Variants in INO80 observed in about 807,000 individuals in gnomAD.
INO80 encodes the protein INO80 complex ATPase subunit.
In INO80, 20 loss-of-function variants were observed where a neutral mutation model predicts 203.4. The ratio of observed to expected loss-of-function variants is 0.10; its 90% CI spans 0.07 to 0.14. The LOEUF is 0.14. Among genes scored for constraint, INO80 ranks in the 10% least tolerant of loss-of-function variants. The pLI is 1.00. For synonymous variants in INO80, 726 were observed against 685.2 expected (o/e 1.06, Z -0.93); for missense variants, 1,419 against 1,914.4 (o/e 0.74, Z 4.83).
intron 14 of INO80, 141 bp downstream of exon 14, chr15:41,069,429 C>CA (rs1188157268): frequency 7.0e-5 from 36 of 515,230 alleles, no homozygotes; most frequent in Non-Finnish European, 1.2e-4. Flanking sequence ...CTCAACCTCC[C>CA]AAAGTGCTGA....
At chr15:41,104,690 A>G (rs1412915137) in intron 1 of INO80, among the ~76,000 whole-genome samples, 1 of 151,864 alleles carries the variant, frequency 6.6e-6, no homozygotes, top group African/African-American at 2.4e-5. Flanking sequence ...AGCATGAGCC[A>G]CCACACCTGG....
rs370606160 is a variant in INO80, at chr15:41,056,672, G to A, written c.2020C>T (p.Arg674Trp). ...RWKILLQFQC[R>W]NRLLLTGTPI... The stretch of plus-strand genomic sequence containing the variant: ...GTCCCGGTTAGCAAAAGCCGATTCC[G>A]ACACTGGAACTGTAAGAGGATCTTC... The change falls in exon 17 of 36, where the codon CGG becomes TGG. Residue 674 changes from arginine (R) to tryptophan (W), a missense_variant. By Grantham distance (101) the Arg-to-Trp change is moderately radical. Coordinates refer to ENST00000648947, the MANE Select transcript of INO80 (RefSeq NM_017553.3). The A allele has an allele frequency of 1.2e-6, 2 of 1,613,926 alleles. No individual in the cohort carries two copies. The highest frequency in any genetic ancestry group is 2.2e-5 in the East Asian group (1 of 44,890).
At chr15:41,088,775 T>C (rs796159819) in intron 5 of INO80, among the ~76,000 whole-genome samples, 41 of 152,356 alleles carry the variant, frequency 2.7e-4, no homozygotes, top group African/African-American at 9.9e-4. Flanking sequence ...CATGGGGAAC[T>C]ATTACAATGT....
chr15:41,113,173 C>T (rs1482259036), intron 1 of INO80, among the ~76,000 whole-genome samples: 1 of 152,102 alleles, frequency 6.6e-6, no homozygotes, highest in Non-Finnish European at 1.5e-5. Context: ...GCTCAGCCTC[C>T]CAAAGTGCCG....
intron 24 of INO80, among the ~76,000 whole-genome samples, chr15:41,036,211 G>A (rs1203924624): frequency 2.1e-5 from 3 of 140,818 alleles, no homozygotes; most frequent in African/African-American, 5.3e-5. Context: ...TAGCTAAGCT[G>A]CTCCCAAGTT....
At chr15:41,086,496 C>T (rs1312533619) in intron 6 of INO80, among the ~76,000 whole-genome samples, 1 of 151,832 alleles carries the variant, frequency 6.6e-6, no homozygotes, top group Admixed American at 6.6e-5. Context: ...ACTAAAAATA[C>T]AAAAATTAGC....
intron 1 of INO80, among the ~76,000 whole-genome samples, chr15:41,111,973 G>A (rs2045965498): frequency 6.6e-6 from 1 of 152,046 alleles, no homozygotes; most frequent in African/African-American, 2.4e-5. Context: ...GGCACAATCA[G>A]GGTTCACTGT....
Position 41,074,353 on chromosome 15 carries a change from C to A in INO80, c.1327+17G>T, listed in dbSNP as rs1200582239. On this transcript the variant is annotated intron_variant, in intron 10 of 35. Coordinates refer to ENST00000648947, the MANE Select transcript of INO80 (RefSeq NM_017553.3). ...AATAAGAGGTAGCCTTCCTCTAAGTCCTGACTGAGGACTCACCATAATCCT... is the reference window on the plus strand; with the variant it reads ...AATAAGAGGTAGCCTTCCTCTAAGTACTGACTGAGGACTCACCATAATCCT... 2 of 1,566,822 alleles carry A rather than the reference C, an allele frequency of 1.3e-6. No homozygotes were observed. The highest frequency in any genetic ancestry group is 2.4e-5 in the South Asian group (2 of 84,400).
At chr15:41,099,237 C>CAAAA (rs71104771) in intron 1 of INO80, among the ~76,000 whole-genome samples, 318 of 21,104 alleles carry the variant, frequency 0.015, 16 homozygotes, top group East Asian at 0.024. Context: ...GACCCTGTCT[C>CAAAA]AAAAAAAAAA....
chr15:41,007,179 T>TA (rs1020762268), intron 27 of INO80, among the ~76,000 whole-genome samples: 7 of 114,088 alleles, frequency 6.1e-5, no homozygotes, highest in African/African-American at 3.0e-4. Context: ...TTTTTTTTTT[T>TA]TTCTTTTTTT....
intron 28 of INO80, among the ~76,000 whole-genome samples, chr15:41,000,739 A>G (rs188248224): frequency 6.6e-6 from 1 of 151,358 alleles, no homozygotes; most frequent in Admixed American, 6.6e-5. Flanking sequence ...AAGAAAGAAA[A>G]GAAAAGAGAA....
intron 14 of INO80, among the ~76,000 whole-genome samples, chr15:41,064,811 A>T (rs769147637): frequency 4.6e-5 from 7 of 152,150 alleles, no homozygotes; most frequent in African/African-American, 1.7e-4. Context: ...AGCCTGGCCA[A>T]CGTGGGGAAA....
At position 41,087,504 on chromosome 15, in the gene INO80, C is replaced by T. The variant is rs1162184807; in HGVS notation, c.658+58G>A. 3 of 1,583,526 alleles carry T rather than the reference C, an allele frequency of 1.9e-6. No homozygotes were observed. The African/African-American group carries it at 4.1e-5, about 21-fold the overall frequency. ...ATAAAGTCCAAATGCACCAGTAGGCCACATGCAATTCTGAAACTAAGAATG... is the reference window on the plus strand; with the variant it reads ...ATAAAGTCCAAATGCACCAGTAGGCTACATGCAATTCTGAAACTAAGAATG... On this transcript the variant is annotated intron_variant, in intron 6 of 35. Transcript: ENST00000648947.
intron 18 of INO80, 37 bp downstream of exon 18, chr15:41,055,210 A>T: frequency 1.7e-6 from 2 of 1,175,618 alleles, no homozygotes; most frequent in South Asian, 1.4e-5. Flanking sequence ...GCCTACACTG[A>T]TAGGTAGATA....
intron 11 of INO80, 137 bp from the exon 12 acceptor site, chr15:41,072,195 T>C (rs949438775): frequency 3.5e-6 from 2 of 568,030 alleles, no homozygotes; most frequent in South Asian, 2.5e-5. Context: ...AATCTGATAA[T>C]ATAACGTAGT....
intron 1 of INO80, among the ~76,000 whole-genome samples, chr15:41,099,256 A>C (rs1271137108): frequency 1.5e-5 from 2 of 135,756 alleles, no homozygotes; most frequent in Non-Finnish European, 3.3e-5. Flanking sequence ...AAAAAAAAAA[A>C]AAAAAAAAAA....
In INO80 at chr15:41,045,042, G is replaced by A. The variant is rs2044731358; in HGVS notation, c.2769C>T (p.Ser923=). The part of the protein sequence containing the change: ...WLALFLSLKA[S]YRLHQLRSWG... Reference sequence around the variant, plus strand: ...AGGAGCGTAGCTGATGGAGCCTGTAGGAGGCTTTCAGAGACAGGAAAAGAG... The same window carrying A: ...AGGAGCGTAGCTGATGGAGCCTGTAAGAGGCTTTCAGAGACAGGAAAAGAG... The change falls in exon 24 of 36, where the codon TCC becomes TCT. Residue 923 remains serine, a synonymous_variant. Transcript: ENST00000648947. The A allele has an allele frequency of 6.2e-7, 1 of 1,609,594 alleles. No homozygotes were observed. The highest frequency in any genetic ancestry group is 1.3e-5 in the African/African-American group (1 of 74,534).
rs377374850 is a variant in INO80 at position 41,056,652 on chromosome 15, G to A, written c.2040C>T (p.Thr680=). ...CCATGGTGTTCTGAATTGGGGTCCC[G>A]GTTAGCAAAAGCCGATTCCGACACT... ...QFQCRNRLLL[T]GTPIQNTMAE... is the part of the protein sequence containing the mutation. The change falls in exon 17 of 36, where the codon ACC becomes ACT. Residue 680 remains threonine (T), a synonymous_variant. Transcript: ENST00000648947. 4.0e-5 allele frequency: 65 copies of A among 1,613,910 alleles called. No individual in the cohort carries two copies. Among genetic ancestry groups the A allele is most frequent in the Middle Eastern group, 1.6e-4 (1 of 6,084 alleles).
In INO80 at chr15:41,058,653, G is replaced by C; in HGVS notation, c.1971C>G (p.Leu657=). ...QYMVLDEAQA[L]KSSSSVRWKI... ...ACTCATGTTACCTGGAACTACTCTT[G>C]AGCGCCTGAGCCTCATCCAGTACCA... Residue 657 remains leucine, a synonymous_variant, in exon 16 of 36, where the codon CTC becomes CTG. Transcript: ENST00000648947. 1 of 1,613,330 alleles carries C rather than the reference G, an allele frequency of 6.2e-7. No individual in the cohort carries two copies. The highest frequency in any genetic ancestry group is 8.5e-7 in the Non-Finnish European group (1 of 1,179,740).
Sources: gnomAD v4.1 joint callset for allele counts (sites outside exome capture counted in the v4.1 genomes callset) on GRCh38, gnomAD v4.1.1 for gene constraint, MANE v1.5 for transcripts, NCBI Gene and HGNC (gene_info 2026-07-23, HGNC 2026-07-21) for gene names.